Variants in CNTN1 observed in about 807,000 individuals in gnomAD.
CNTN1 encodes the protein contactin 1, also known as contactin-1.
Under a neutral mutation model 126.4 loss-of-function variants are expected in CNTN1, and 38 were observed. That is an observed-to-expected ratio of 0.30 (90% CI 0.23 to 0.39). The LOEUF is 0.39. Ranked by LOEUF, CNTN1 falls within the 10% of genes least tolerant of loss-of-function variation. The pLI is 1.00. For synonymous variants in CNTN1, 413 were observed against 422.6 expected, an observed-to-expected ratio of 0.98 and a Z score of 0.28; for missense variants, 1,009 against 1,248.4, an observed-to-expected ratio of 0.81 and a Z score of 2.89.
chr12:40,819,275 A>T, intron 1 of CNTN1, among the ~76,000 whole-genome samples: 1 of 152,074 alleles, frequency 6.6e-6, no homozygotes, highest in South Asian at 2.1e-4. Flanking sequence ...CTTCAGAATG[A>T]CCAGGAGGAG....
At chr12:41,020,254 T>G in intron 19 of CNTN1, 83 bp from the exon 20 acceptor site, 2 of 857,922 alleles carry the variant, frequency 2.3e-6, no homozygotes, top group African/African-American at 3.4e-5. Context: ...TGGTCCAACA[T>G]CATTCATATA....
chr12:40,869,720 C>A (rs9652035), intron 1 of CNTN1, among the ~76,000 whole-genome samples: 7,483 of 152,088 alleles, frequency 0.049, 411 homozygotes, highest in African/African-American at 0.14. Flanking sequence ...TTTTTCATAT[C>A]ATGTTGCTTT....
chr12:40,739,662 T>C (rs2136378971), intron 1 of CNTN1, among the ~76,000 whole-genome samples: 1 of 152,152 alleles, frequency 6.6e-6, no homozygotes, highest in East Asian at 1.9e-4. Flanking sequence ...TTTTATTTCT[T>C]TAAGAAATAA....
chr12:40,949,291 A>T (rs12322724), intron 14 of CNTN1, among the ~76,000 whole-genome samples: 17,473 of 148,264 alleles, frequency 0.12, 1,060 homozygotes, highest in Non-Finnish European at 0.12. Flanking sequence ...TTCTTTTTTT[A>T]TATACTTTAA....
intron 16 of CNTN1, among the ~76,000 whole-genome samples, chr12:40,982,833 G>A (rs1947854159): frequency 6.6e-6 from 1 of 151,366 alleles, no homozygotes; most frequent in African/African-American, 2.4e-5. Context: ...GGGGAAGTAG[G>A]AGATGTGTTT....
intron 1 of CNTN1, among the ~76,000 whole-genome samples, chr12:40,757,065 C>T (rs1281573530): frequency 6.6e-6 from 1 of 152,032 alleles, no homozygotes; most frequent in Non-Finnish European, 1.5e-5. Flanking sequence ...TAATGCAGTT[C>T]CTGGTGAGGG....
chr12:40,787,518 TATAGA>T (rs371286204), intron 1 of CNTN1, among the ~76,000 whole-genome samples: 66 of 152,278 alleles, frequency 4.3e-4, no homozygotes, highest in African/African-American at 1.5e-3. Context: ...TAGAATAAAT[TATAGA>T]ATAGATGTTC....
intron 1 of CNTN1, among the ~76,000 whole-genome samples, chr12:40,712,967 G>T (rs11178000): frequency 0.2 from 30,717 of 151,734 alleles, 3,237 homozygotes; most frequent in Middle Eastern, 0.27. Context: ...CATGAGAGCT[G>T]GTTGTTAAAA....
intron 21 of CNTN1, among the ~76,000 whole-genome samples, chr12:41,027,239 T>C (rs1034648875): frequency 2.0e-5 from 3 of 151,782 alleles, no homozygotes; most frequent in African/African-American, 7.3e-5. Flanking sequence ...GAAAGAGAGA[T>C]TAGGGCTAGA....
chr12:40,966,142 T>G (rs3794248), intron 15 of CNTN1, among the ~76,000 whole-genome samples: 70,716 of 151,752 alleles, frequency 0.47, 16,482 homozygotes, highest in Admixed American at 0.51. Flanking sequence ...TGAGGTAGTT[T>G]TTCAAGTATT....
At chr12:40,938,170 G>A (rs927757458) in intron 11 of CNTN1, among the ~76,000 whole-genome samples, 2 of 152,182 alleles carry the variant, frequency 1.3e-5, no homozygotes, top group African/African-American at 4.8e-5. Context: ...TCTGCCAAGG[G>A]AAGAGGAGAG....
chr12:40,970,662 T>A (rs1181995404), intron 15 of CNTN1, among the ~76,000 whole-genome samples: 1 of 152,296 alleles, frequency 6.6e-6, no homozygotes, highest in East Asian at 1.9e-4. Context: ...TGTTGTTAAA[T>A]GATTACATGG....
chr12:40,829,823 T>C (rs1158651113), intron 1 of CNTN1, among the ~76,000 whole-genome samples: 4 of 152,140 alleles, frequency 2.6e-5, no homozygotes, highest in Middle Eastern at 3.2e-3. Flanking sequence ...GCCTCCTGGC[T>C]GAGGTGGCTG....
chr12:41,030,452 A>G (rs1566178225), intron 23 of CNTN1, among the ~76,000 whole-genome samples: 1 of 152,094 alleles, frequency 6.6e-6, no homozygotes, highest in Non-Finnish European at 1.5e-5. Context: ...AATTACAGAG[A>G]TGTGAAAGGA....
At chr12:40,909,786 G>T (rs549234265) in intron 2 of CNTN1, among the ~76,000 whole-genome samples, 1 of 151,270 alleles carries the variant, frequency 6.6e-6, no homozygotes, top group African/African-American at 2.4e-5. Flanking sequence ...AAAAAATTTG[G>T]TAAAGTCATT....
intron 1 of CNTN1, among the ~76,000 whole-genome samples, chr12:40,696,482 T>A (rs1941455909): frequency 6.6e-6 from 1 of 152,230 alleles, no homozygotes; most frequent in Non-Finnish European, 1.5e-5. Context: ...CTATCTGCTT[T>A]AATCTAAGAT....
rs1946123364 is a variant in CNTN1, at chr12:40,937,562, CT to C, written c.1111-4del. 1.3e-6 allele frequency: 2 copies of C among 1,506,190 alleles called. No homozygotes were observed. Among genetic ancestry groups the C allele is most frequent in the Non-Finnish European group, 1.8e-6 (2 of 1,081,884 alleles). The allele number at this position is 1,506,190 out of a possible 1,614,324, so 93.3% of individuals were successfully genotyped here. A position where few individuals can be genotyped will look rare whatever the true frequency, so the allele number is the denominator to read the frequency against. On this transcript the variant is annotated splice_polypyrimidine_tract_variant and splice_region_variant and intron_variant, in intron 10 of 23. Transcript: ENST00000551295. Reference sequence around the variant, plus strand: ...ATTGAGAATATGTTTCAATTTTATTCTTTTCAGTATCATAAAGGGGAATTAA... The same window carrying C: ...ATTGAGAATATGTTTCAATTTTATTCTTTCAGTATCATAAAGGGGAATTAA...
At chr12:41,046,132 T>C (rs1007599516) in intron 23 of CNTN1, among the ~76,000 whole-genome samples, 1 of 152,186 alleles carries the variant, frequency 6.6e-6, no homozygotes, top group African/African-American at 2.4e-5. Flanking sequence ...ATTCATCCAA[T>C]GCCATAGCTT....
chr12:40,744,823 A>C (rs1366660940), intron 1 of CNTN1, among the ~76,000 whole-genome samples: 1 of 152,106 alleles, frequency 6.6e-6, no homozygotes, highest in Non-Finnish European at 1.5e-5. Context: ...TGGTGCAAGA[A>C]CTTCTCATGG....
Sources: allele counts gnomAD v4.1 joint callset (sites outside exome capture counted in the v4.1 genomes callset), GRCh38; gene constraint gnomAD v4.1.1; transcripts MANE v1.5; gene names NCBI Gene and HGNC (gene_info 2026-07-23, HGNC 2026-07-21).